The following MTUS1 variants were observed in gnomAD, a reference collection of about 807,000 sequenced individuals.
The protein encoded by MTUS1 is microtubule-associated tumor suppressor 1.
In MTUS1, 109 loss-of-function variants were observed where a neutral mutation model predicts 120.8. The observed-to-expected ratio is 0.90, with a 90% CI of 0.77 to 1.06. The LOEUF (loss-of-function observed/expected upper bound fraction) is 1.06, where lower values mean the gene tolerates loss of function less well. Among genes scored for constraint, MTUS1 ranks in the 50% least tolerant of loss-of-function variants. The pLI is 0.00. For synonymous variants in MTUS1, 737 were observed against 550.5 expected (o/e 1.34, Z -4.74); for missense variants, 2,210 against 1,486.3 (o/e 1.49, Z -8.01).
intron 4 of MTUS1, among the ~76,000 whole-genome samples, chr8:17,720,267 C>A (rs535816143): frequency 6.6e-6 from 1 of 151,998 alleles, no homozygotes; most frequent in East Asian, 1.9e-4. Context: ...ATTGCTTGAA[C>A]CCGGGAGGCA....
Position 17,661,015 on chromosome 8 carries a change from G to T in MTUS1, c.2906-4950C>A, listed in dbSNP as rs115076213. On this transcript the variant is annotated intron_variant, in intron 8 of 14. Transcript: ENST00000693296. ...TCTCCTTTAAAAGAATTTAGTGAAAGATAGTGATGGTCTTGACTGCTGGAG... is the reference window on the plus strand; with the variant it reads ...TCTCCTTTAAAAGAATTTAGTGAAATATAGTGATGGTCTTGACTGCTGGAG... 6.7e-3 allele frequency among the ~76,000 whole-genome samples: 1,021 copies of T among 152,304 alleles called. 6 individuals are homozygous for T. Among genetic ancestry groups the T allele is most frequent in the African/African-American group, 0.023 (951 of 41,566 alleles).
intron 2 of MTUS1, among the ~76,000 whole-genome samples, chr8:17,752,737 C>G (rs1235317078): frequency 6.6e-6 from 1 of 152,164 alleles, no homozygotes; most frequent in Non-Finnish European, 1.5e-5. Context: ...GACAGGCTGT[C>G]TGTGTCACAC....
intron 3 of MTUS1, among the ~76,000 whole-genome samples, chr8:17,726,598 C>CA (rs1280617218): frequency 2.0e-5 from 3 of 152,160 alleles, no homozygotes; most frequent in Non-Finnish European, 4.4e-5. Flanking sequence ...GTGCTTAACC[C>CA]ATTTTTACAA....
chr8:17,681,913 T>C (rs1034385157), intron 7 of MTUS1, among the ~76,000 whole-genome samples: 3 of 152,134 alleles, frequency 2.0e-5, no homozygotes, highest in African/African-American at 7.2e-5. Context: ...ATATATAAAA[T>C]AATATTTCAA....
At position 17,751,862 on chromosome 8, in the gene MTUS1, TAAAAAA is replaced by T. The variant is rs56362055; in HGVS notation, c.2091+1849_2091+1854del. On this transcript the variant is annotated intron_variant, in intron 2 of 14. Coordinates refer to ENST00000693296, the MANE Select transcript of MTUS1 (RefSeq NM_001363059.2). The stretch of plus-strand genomic sequence containing the variant: ...AAAGAGCAAGAACAAGACTCTGCCT[TAAAAAA>T]AAAAAAAAAAAAAAAAAAGAAAGCA... Among the ~76,000 whole-genome samples, 414 of 96,524 alleles carry T rather than the reference TAAAAAA, an allele frequency of 4.3e-3. 1 individual carries two copies. Among genetic ancestry groups the T allele is most frequent in the African/African-American group, 0.015 (395 of 26,414 alleles). The allele number at this position is 96,524 out of a possible 152,430, so 63.3% of individuals were successfully genotyped here.
chr8:17,701,085 GGAA>G (rs1485382247), intron 6 of MTUS1, among the ~76,000 whole-genome samples: 1 of 152,106 alleles, frequency 6.6e-6, no homozygotes. Flanking sequence ...TAAAGAATGA[GGAA>G]GAAGATTAAA....
chr8:17,786,235 C>T (rs548211561), intron 1 of MTUS1, among the ~76,000 whole-genome samples: 6 of 152,250 alleles, frequency 3.9e-5, no homozygotes, highest in African/African-American at 4.8e-5. Context: ...CACCAACACA[C>T]GCACGAGCCT....
chr8:17,667,574 C>T (rs749960825), intron 8 of MTUS1, among the ~76,000 whole-genome samples: 1 of 152,168 alleles, frequency 6.6e-6, no homozygotes, highest in Admixed American at 6.5e-5. Flanking sequence ...AAGTTACTTT[C>T]CTCAGTAAGA....
intron 1 of MTUS1, among the ~76,000 whole-genome samples, chr8:17,757,844 T>G (rs2048740167): frequency 6.6e-6 from 1 of 152,118 alleles, no homozygotes; most frequent in Non-Finnish European, 1.5e-5. Context: ...GGAAATAACT[T>G]AAATTTTATT....
chr8:17,648,747 C>T (rs530707538), intron 13 of MTUS1, among the ~76,000 whole-genome samples: 1 of 152,346 alleles, frequency 6.6e-6, no homozygotes, highest in African/African-American at 2.4e-5. Flanking sequence ...TCCCCCATGT[C>T]CCCTACTGTC....
chr8:17,703,144 G>A (rs1488920447), intron 6 of MTUS1, among the ~76,000 whole-genome samples: 1 of 152,176 alleles, frequency 6.6e-6, no homozygotes, highest in Non-Finnish European at 1.5e-5. Context: ...CATAAGGTCT[G>A]ACTGCCTGCG....
chr8:17,647,107 T>C (rs374925079), intron 13 of MTUS1, 28 bp from the exon 14 acceptor site: 5 of 1,563,178 alleles, frequency 3.2e-6, no homozygotes, highest in Non-Finnish European at 4.4e-6. Flanking sequence ...TTCCAACATT[T>C]ATACAATATT....
intron 2 of MTUS1, among the ~76,000 whole-genome samples, chr8:17,746,511 GA>G (rs1284664891): frequency 6.6e-6 from 1 of 152,140 alleles, no homozygotes; most frequent in Non-Finnish European, 1.5e-5. Flanking sequence ...CAGCAGACAA[GA>G]GAGAATAAAA....
chr8:17,645,724 G>T lies in MTUS1; in HGVS notation c.*202C>A. 1 of 562,534 alleles carries T rather than the reference G, an allele frequency of 1.8e-6. No individual in the cohort carries two copies. Among genetic ancestry groups the T allele is most frequent in the Non-Finnish European group, 2.8e-6 (1 of 351,744 alleles). 34.8% of individuals were successfully genotyped at this position (562,534 alleles called of 1,614,324 possible). A position where few individuals can be genotyped will look rare whatever the true frequency, so the allele number is the denominator to read the frequency against. On this transcript the variant is annotated 3_prime_UTR_variant, in exon 15 of 15. Coordinates refer to ENST00000693296, the MANE Select transcript of MTUS1 (RefSeq NM_001363059.2). ...ATCTTTTTTTAAATCTTTTTTTGGA[G>T]GAATCTTTTGGACGGAGGCAAAAGT...
intron 8 of MTUS1, among the ~76,000 whole-genome samples, chr8:17,659,655 A>G (rs1336422075): frequency 6.6e-6 from 1 of 152,126 alleles, no homozygotes; most frequent in Non-Finnish European, 1.5e-5. Context: ...CCAAGATCGC[A>G]CTACCGCACT....
At chr8:17,674,299 T>C (rs765865478) in intron 8 of MTUS1, among the ~76,000 whole-genome samples, 4 of 152,114 alleles carry the variant, frequency 2.6e-5, no homozygotes, top group Non-Finnish European at 5.9e-5. Context: ...GTGCTCCTGT[T>C]GTCCCAGCTA....
At chr8:17,669,881 C>T (rs1554471295) in intron 8 of MTUS1, among the ~76,000 whole-genome samples, 1 of 152,100 alleles carries the variant, frequency 6.6e-6, no homozygotes, top group Non-Finnish European at 1.5e-5. Context: ...AGTAGAGACA[C>T]ATGTCAGCCT....
chr8:17,671,711 G>C (rs1812058024), intron 8 of MTUS1, among the ~76,000 whole-genome samples: 1 of 152,146 alleles, frequency 6.6e-6, no homozygotes, highest in African/African-American at 2.4e-5. Flanking sequence ...CTTTTTCTTT[G>C]CAGTTCTTAG....
At chr8:17,691,547 A>C (rs1816943972) in intron 6 of MTUS1, among the ~76,000 whole-genome samples, 1 of 152,260 alleles carries the variant, frequency 6.6e-6, no homozygotes, top group Non-Finnish European at 1.5e-5. Context: ...ACTGCTTTCA[A>C]GGAGGCTGAA....
Sources: allele counts gnomAD v4.1 joint callset (sites outside exome capture counted in the v4.1 genomes callset), GRCh38; gene constraint gnomAD v4.1.1; transcripts MANE v1.5; gene names NCBI Gene and HGNC (gene_info 2026-07-23, HGNC 2026-07-21).